The following WWOX variants were observed in gnomAD, a reference collection of about 807,000 sequenced individuals.
WWOX encodes WW domain-containing oxidoreductase.
Under a neutral mutation model 46.2 loss-of-function variants are expected in WWOX, and 69 were observed. The ratio of observed to expected loss-of-function variants is 1.49; its 90% CI spans 1.23 to 1.82. The LOEUF is 1.82. Among genes scored for constraint, WWOX ranks in the 40% most tolerant of loss-of-function variants. The pLI is 0.00. For missense variants in WWOX, 919 were observed against 542.6 expected (o/e 1.69, Z -6.89); for synonymous variants, 359 against 202.6 (o/e 1.77, Z -6.56).
chr16:78,131,877 C>T lies in WWOX; in HGVS notation c.409+16723C>T, dbSNP rs1231018464. On this transcript the variant is annotated intron_variant, in intron 4 of 8. Coordinates refer to ENST00000566780, the MANE Select transcript of WWOX (RefSeq NM_016373.4). Reference sequence around the variant, plus strand: ...GGGATTACAGGCGTGAGCCACCGCGCCTGGCAAGGATTTTTTTTTTTTCAT... The same window carrying T: ...GGGATTACAGGCGTGAGCCACCGCGTCTGGCAAGGATTTTTTTTTTTTCAT... 5.3e-5 allele frequency among the ~76,000 whole-genome samples: 8 copies of T among 151,770 alleles called. No homozygotes were observed. The East Asian group carries it at 1.6e-3, about 30-fold the overall frequency.
chr16:78,414,222 T>A (rs1319137554), intron 6 of WWOX, among the ~76,000 whole-genome samples: 1 of 152,004 alleles, frequency 6.6e-6, no homozygotes, highest in South Asian at 2.1e-4. Context: ...TACACCTATT[T>A]CCCTTTGCTG....
intron 8 of WWOX, among the ~76,000 whole-genome samples, chr16:78,731,334 G>T (rs2048964411): frequency 6.6e-6 from 1 of 152,106 alleles, no homozygotes; most frequent in Non-Finnish European, 1.5e-5. Flanking sequence ...TTTTCAGGTA[G>T]AGGCTGAATG....
intron 8 of WWOX, among the ~76,000 whole-genome samples, chr16:78,804,841 C>T (rs183918387): frequency 2.6e-5 from 4 of 152,232 alleles, no homozygotes; most frequent in Non-Finnish European, 5.9e-5. Context: ...CTTAGGCATT[C>T]TGTGATCCTT....
chr16:78,329,648 C>A (rs117432928), intron 5 of WWOX, among the ~76,000 whole-genome samples: 1 of 152,086 alleles, frequency 6.6e-6, no homozygotes, highest in African/African-American at 2.4e-5. Flanking sequence ...GGGAAGAAAC[C>A]GTTGTGGGGA....
At chr16:78,928,033 A>G (rs2045538278) in intron 8 of WWOX, among the ~76,000 whole-genome samples, 1 of 152,036 alleles carries the variant, frequency 6.6e-6, no homozygotes, top group Non-Finnish European at 1.5e-5. Flanking sequence ...GAATGCATAA[A>G]CAAACAAAAA....
chr16:78,313,010 C>G (rs1388716161), intron 5 of WWOX, among the ~76,000 whole-genome samples: 1 of 151,992 alleles, frequency 6.6e-6, no homozygotes, highest in Non-Finnish European at 1.5e-5. Context: ...TGTTTTCATT[C>G]ACGGGGGCAG....
At position 79,154,632 on chromosome 16, in the gene WWOX, A is replaced by T. The variant is rs373449523; in HGVS notation, c.1057-56976A>T. Among the ~76,000 whole-genome samples the T allele has an allele frequency of 4.6e-4, 70 of 152,044 alleles. No individual in the cohort carries two copies. In the South Asian group the frequency reaches 0.014, roughly 30 times the overall value. ...AAAAACTAAAAAGTTTGCAACATTT[A>T]AAAAAAATACAACCCTTATGCTGAT... On this transcript the variant is annotated intron_variant, in intron 8 of 8. Coordinates refer to ENST00000566780, the MANE Select transcript of WWOX (RefSeq NM_016373.4).
chr16:79,204,141 C>A (rs962525018), intron 8 of WWOX: 1 of 152,064 alleles, frequency 6.6e-6, no homozygotes, highest in East Asian at 1.9e-4. Context: ...AGAATAGATA[C>A]CCCAATGCGA....
intron 8 of WWOX, among the ~76,000 whole-genome samples, chr16:78,785,907 T>C (rs1270047036): frequency 6.6e-6 from 1 of 152,184 alleles, no homozygotes; most frequent in Admixed American, 6.5e-5. Flanking sequence ...ATTTCTTTTT[T>C]ATTTTATTTT....
chr16:78,403,909 T>G (rs961687182), intron 6 of WWOX, among the ~76,000 whole-genome samples: 1 of 152,178 alleles, frequency 6.6e-6, no homozygotes, highest in Non-Finnish European at 1.5e-5. Context: ...TCAGCCTAAT[T>G]GCATGAGCTC....
chr16:78,984,764 G>A (rs371712323), intron 8 of WWOX, among the ~76,000 whole-genome samples: 49 of 152,254 alleles, frequency 3.2e-4, no homozygotes, highest in African/African-American at 1.1e-3. Flanking sequence ...TCCTCTTTTC[G>A]TGATTTCCTC....
intron 8 of WWOX, among the ~76,000 whole-genome samples, chr16:78,729,637 C>T (rs1163518188): frequency 1.3e-5 from 2 of 152,102 alleles, no homozygotes; most frequent in African/African-American, 4.8e-5. Flanking sequence ...CACAGTCCTG[C>T]TAACTCTTAA....
At chr16:78,753,826 ATATAT>A (rs1270072058) in intron 8 of WWOX, among the ~76,000 whole-genome samples, 38 of 25,618 alleles carry the variant, frequency 1.5e-3, no homozygotes, top group African/African-American at 3.6e-3. Context: ...AAAAAAAAAA[ATATAT>A]ATATATATAT....
At chr16:79,098,874 G>C (rs2049132267) in intron 8 of WWOX, among the ~76,000 whole-genome samples, 1 of 152,172 alleles carries the variant, frequency 6.6e-6, no homozygotes, top group Admixed American at 6.5e-5. Flanking sequence ...ACTTCTGATA[G>C]AGTAAAGGGT....
chr16:79,023,018 G>A (rs1423912950), intron 8 of WWOX, among the ~76,000 whole-genome samples: 6 of 151,888 alleles, frequency 4.0e-5, no homozygotes, highest in Non-Finnish European at 8.8e-5. Context: ...TGTGTATATA[G>A]CCAGCACTCA....
At chr16:78,545,633 T>A (rs1012972946) in intron 8 of WWOX, among the ~76,000 whole-genome samples, 1 of 152,206 alleles carries the variant, frequency 6.6e-6, no homozygotes, top group Non-Finnish European at 1.5e-5. Context: ...CCATTGAGTC[T>A]CTATTCTGAA....
Position 78,934,337 on chromosome 16 carries a change from C to CAAAA in WWOX, c.1057-277260_1057-277257dup, listed in dbSNP as rs747448353. ...TGGGCGACAGAGCAAGTCTCCGTCT[C>CAAAA]AAAAAAAAAAAAAAGAAGAAACTTA... On this transcript the variant is annotated intron_variant, in intron 8 of 8. Transcript: ENST00000566780. 3.7e-4 allele frequency among the ~76,000 whole-genome samples: 29 copies of CAAAA among 78,296 alleles called. No homozygotes were observed. The South Asian group carries it at 4.0e-3, about 11-fold the overall frequency. The allele number at this position is 78,296 out of a possible 152,430, so 51.4% of individuals were successfully genotyped here.
At chr16:79,131,782 C>T (rs1294994919) in intron 8 of WWOX, among the ~76,000 whole-genome samples, 4 of 152,160 alleles carry the variant, frequency 2.6e-5, no homozygotes, top group South Asian at 2.1e-4. Context: ...AAAAACATAC[C>T]CTAGCCTGGG....
At chr16:78,181,370 T>C (rs1467681491) in intron 5 of WWOX, among the ~76,000 whole-genome samples, 1 of 152,200 alleles carries the variant, frequency 6.6e-6, no homozygotes, top group Non-Finnish European at 1.5e-5. Flanking sequence ...TGTTGAGCTA[T>C]GATTTGTTTT....
Sources: gnomAD v4.1 joint callset for allele counts (sites outside exome capture counted in the v4.1 genomes callset) on GRCh38, gnomAD v4.1.1 for gene constraint, MANE v1.5 for transcripts, NCBI Gene and HGNC (gene_info 2026-07-23, HGNC 2026-07-21) for gene names.